PTPRD: variants seen among roughly 807,000 people sequenced by gnomAD.
PTPRD encodes receptor-type tyrosine-protein phosphatase delta.
In PTPRD, 34 loss-of-function variants were observed where a neutral mutation model predicts 214.5. That is an observed-to-expected ratio of 0.16 (90% CI 0.12 to 0.21). PTPRD has a LOEUF of 0.21. Among genes scored for constraint, PTPRD ranks in the 10% least tolerant of loss-of-function variants. The pLI is 1.00. For missense variants in PTPRD, 2,545 were observed against 2,398.7 expected, an observed-to-expected ratio of 1.06 and a Z score of -1.27; for synonymous variants, 1,128 against 845.7, an observed-to-expected ratio of 1.33 and a Z score of -5.79.
At chr9:10,149,215 T>C (rs1306917203) in intron 3 of PTPRD, among the ~76,000 whole-genome samples, 1 of 152,194 alleles carries the variant, frequency 6.6e-6, no homozygotes, top group African/African-American at 2.4e-5. Context: ...ATGGCAGTCA[T>C]GTTGCAACAC....
At chr9:9,286,634 G>A (rs1373655063) in intron 9 of PTPRD, among the ~76,000 whole-genome samples, 1 of 150,818 alleles carries the variant, frequency 6.6e-6, no homozygotes, top group Non-Finnish European at 1.5e-5. Context: ...CTTTCCTGAT[G>A]CCCCCAAACC....
At chr9:10,199,934 C>T (rs1356714399) in intron 3 of PTPRD, among the ~76,000 whole-genome samples, 2 of 151,654 alleles carry the variant, frequency 1.3e-5, no homozygotes, top group Non-Finnish European at 2.9e-5. Flanking sequence ...CACACACACA[C>T]ATCCTTCATA....
At chr9:10,501,843 T>G (rs1012390941) in intron 2 of PTPRD, among the ~76,000 whole-genome samples, 1 of 151,970 alleles carries the variant, frequency 6.6e-6, no homozygotes, top group Admixed American at 6.6e-5. Context: ...AGACGAATGC[T>G]TCTCAATTCT....
chr9:8,353,928 G>GTATATA (rs1564202231), intron 39 of PTPRD, among the ~76,000 whole-genome samples: 7 of 105,868 alleles, frequency 6.6e-5, no homozygotes, highest in African/African-American at 2.9e-4. Flanking sequence ...GTATATATAT[G>GTATATA]TGTGTGTACA....
intron 2 of PTPRD, among the ~76,000 whole-genome samples, chr9:10,457,375 T>A (rs1192139359): frequency 6.6e-6 from 1 of 152,030 alleles, no homozygotes; most frequent in African/African-American, 2.4e-5. Context: ...AGATTGTTTT[T>A]TCCTGCTCAT....
intron 10 of PTPRD, among the ~76,000 whole-genome samples, chr9:9,137,241 A>C (rs898848434): frequency 1.3e-5 from 2 of 152,174 alleles, no homozygotes; most frequent in Non-Finnish European, 2.9e-5. Flanking sequence ...TTATTGTTTC[A>C]ATAATTTATA....
At chr9:8,752,216 C>A (rs1026748605) in intron 11 of PTPRD, among the ~76,000 whole-genome samples, 4 of 152,132 alleles carry the variant, frequency 2.6e-5, no homozygotes, top group Non-Finnish European at 5.9e-5. Context: ...GCACAAGATA[C>A]AGGTCATAAA....
Position 10,347,410 on chromosome 9 carries a change from T to C in PTPRD, c.-599-6393A>G, listed in dbSNP as rs1016843145. 8.7e-5 allele frequency among the ~76,000 whole-genome samples: 9 copies of C among 103,978 alleles called. No individual in the cohort carries two copies. The East Asian group carries it at 2.1e-3, about 24-fold the overall frequency. The allele number at this position is 103,978 out of a possible 152,430, so 68.2% of individuals were successfully genotyped here. A position where few individuals can be genotyped will look rare whatever the true frequency, so the allele number is the denominator to read the frequency against. On this transcript the variant is annotated intron_variant, in intron 2 of 45. Coordinates refer to ENST00000381196, the MANE Select transcript of PTPRD (RefSeq NM_002839.4). ...ATGTCCATCATCTTAGCTATTTGTC[T>C]TTTTTTTTTTTTTTTTTGAGATGGA...
chr9:8,402,282 T>G (rs1209224215), intron 36 of PTPRD, among the ~76,000 whole-genome samples: 1 of 152,214 alleles, frequency 6.6e-6, no homozygotes, highest in African/African-American at 2.4e-5. Context: ...GTGATTCAAG[T>G]GCTTTTGCTT....
At chr9:8,523,868 A>C (rs2097943358) in intron 18 of PTPRD, among the ~76,000 whole-genome samples, 1 of 152,028 alleles carries the variant, frequency 6.6e-6, no homozygotes, top group East Asian at 1.9e-4. Context: ...CCCACCCCAG[A>C]CTCCATAAAA....
intron 10 of PTPRD, among the ~76,000 whole-genome samples, chr9:9,162,759 G>A (rs527959397): frequency 1.1e-4 from 17 of 151,884 alleles, no homozygotes; most frequent in African/African-American, 3.1e-4. Context: ...ACCCCTTTAC[G>A]GTCAAAATTC....
intron 9 of PTPRD, among the ~76,000 whole-genome samples, chr9:9,289,894 T>A (rs1027604242): frequency 6.6e-6 from 1 of 151,692 alleles, no homozygotes; most frequent in Non-Finnish European, 1.5e-5. Flanking sequence ...TCTTAGCTAT[T>A]GTGAATAATG....
chr9:10,225,219 G>T (rs1005273358), intron 3 of PTPRD, among the ~76,000 whole-genome samples: 7 of 151,744 alleles, frequency 4.6e-5, no homozygotes, highest in South Asian at 4.1e-4. Flanking sequence ...ATAGTAAAAA[G>T]ATATTTTATT....
At chr9:9,046,218 T>C (rs1268276415) in intron 10 of PTPRD, among the ~76,000 whole-genome samples, 1 of 152,166 alleles carries the variant, frequency 6.6e-6, no homozygotes. Context: ...AAGCTAGTTG[T>C]TATAATTAGA....
chr9:8,993,078 TATCTC>T (rs2099383824), intron 11 of PTPRD, among the ~76,000 whole-genome samples: 1 of 152,150 alleles, frequency 6.6e-6, no homozygotes, highest in Admixed American at 6.6e-5. Flanking sequence ...TACATAATCT[TATCTC>T]AGAAATCAAT....
chr9:8,690,231 A>G (rs1437072795), intron 12 of PTPRD, among the ~76,000 whole-genome samples: 29 of 152,166 alleles, frequency 1.9e-4, no homozygotes, highest in Admixed American at 1.9e-3. Flanking sequence ...TTTCTTCTTT[A>G]AAATATTTAG....
In PTPRD at chr9:8,605,805, T is replaced by C. The variant is rs76747070; in HGVS notation, c.352+27512A>G. On this transcript the variant is annotated intron_variant, in intron 14 of 45. Coordinates refer to ENST00000381196, the MANE Select transcript of PTPRD (RefSeq NM_002839.4). ...CCTTTCTGCTCATCTCTATGGAAGT[T>C]GGCAACATAAGCATACTCTACTTAC... is the stretch of plus-strand genomic sequence containing the variant. Among the ~76,000 whole-genome samples the C allele has an allele frequency of 9.1e-3, 1,382 of 152,248 alleles. 15 individuals are homozygous for C. The highest frequency in any genetic ancestry group is 0.031 in the African/African-American group (1,287 of 41,534).
At chr9:9,164,540 G>C (rs923423113) in intron 10 of PTPRD, among the ~76,000 whole-genome samples, 2 of 152,108 alleles carry the variant, frequency 1.3e-5, no homozygotes, top group Non-Finnish European at 2.9e-5. Flanking sequence ...TCTTGTAGGA[G>C]GGTATTATAC....
At chr9:10,178,728 T>C (rs1182898129) in intron 3 of PTPRD, among the ~76,000 whole-genome samples, 1 of 151,896 alleles carries the variant, frequency 6.6e-6, no homozygotes, top group Admixed American at 6.6e-5. Context: ...TAATATTGTG[T>C]TGTGAGGGGC....
Sources: allele counts gnomAD v4.1 joint callset (sites outside exome capture counted in the v4.1 genomes callset), GRCh38; gene constraint gnomAD v4.1.1; transcripts MANE v1.5; gene names NCBI Gene and HGNC (gene_info 2026-07-23, HGNC 2026-07-21).